ZNF521: variants seen among roughly 807,000 people sequenced by gnomAD.
The protein encoded by ZNF521 is zinc finger protein 521.
Under a neutral mutation model 105.5 loss-of-function variants are expected in ZNF521, and 14 were observed. The observed-to-expected ratio is 0.13, with a 90% CI of 0.09 to 0.21. The LOEUF is 0.21. Ranked by LOEUF, ZNF521 falls within the 10% of genes least tolerant of loss-of-function variation. The pLI, the probability that ZNF521 is intolerant of heterozygous loss-of-function variation, is 1.00. For synonymous variants in ZNF521, 635 were observed against 606.0 expected (o/e 1.05, Z -0.70); for missense variants, 1,233 against 1,629.7 (o/e 0.76, Z 4.19).
chr18:25,108,369 GT>G (rs2034115453), intron 5 of ZNF521, among the ~76,000 whole-genome samples: 1 of 151,964 alleles, frequency 6.6e-6, no homozygotes, highest in Non-Finnish European at 1.5e-5. Context: ...TGTTTTTGGG[GT>G]TACACAAACA....
At position 25,116,724 on chromosome 18, in the gene ZNF521, T is replaced by C. The variant is rs2034310192; in HGVS notation, c.3659-24643A>G. Among the ~76,000 whole-genome samples the C allele has an allele frequency of 1.3e-5, 2 of 151,292 alleles. 1 individual carries two copies. The highest frequency in any genetic ancestry group is 4.2e-4 in the South Asian group (2 of 4,796). ...AACACAAGATGAATTTCCTCCTTTT[T>C]AAAAAAAACATATTTTATACGCATG... On this transcript the variant is annotated intron_variant, in intron 5 of 7. Transcript: ENST00000361524.
At chr18:25,098,267 G>A (rs897769344) in intron 5 of ZNF521, among the ~76,000 whole-genome samples, 39 of 152,098 alleles carry the variant, frequency 2.6e-4, no homozygotes, top group African/African-American at 9.4e-4. Context: ...GCACAAGTAG[G>A]GAATGGGGAT....
intron 5 of ZNF521, among the ~76,000 whole-genome samples, chr18:25,099,385 T>C (rs879446993): frequency 6.3e-4 from 96 of 152,188 alleles, no homozygotes; most frequent in Admixed American, 3.3e-3. Context: ...CTTGGCTTCT[T>C]TATTTCCCAA....
chr18:25,161,168 C>A (rs956513865), intron 5 of ZNF521, among the ~76,000 whole-genome samples: 4 of 152,136 alleles, frequency 2.6e-5, no homozygotes, highest in Non-Finnish European at 5.9e-5. Context: ...GTCACACTCC[C>A]TTTGTCTCCT....
At chr18:25,222,405 G>A (rs1432425034) in intron 4 of ZNF521, among the ~76,000 whole-genome samples, 2 of 152,108 alleles carry the variant, frequency 1.3e-5, no homozygotes, top group Non-Finnish European at 2.9e-5. Flanking sequence ...CCTCTTAGAT[G>A]TTATTATAAT....
At chr18:25,181,042 T>C (rs980602359) in intron 5 of ZNF521, among the ~76,000 whole-genome samples, 10 of 152,124 alleles carry the variant, frequency 6.6e-5, no homozygotes, top group African/African-American at 1.9e-4. Flanking sequence ...GCTGGGCTAT[T>C]TGAATGATTA....
At position 25,252,527 on chromosome 18, in the gene ZNF521, CT is replaced by C. The variant is rs978985093; in HGVS notation, c.221-24831del. Among the ~76,000 whole-genome samples, 813 of 147,310 alleles carry C rather than the reference CT, an allele frequency of 5.5e-3. 6 individuals are homozygous for C. Among genetic ancestry groups the C allele is most frequent in the African/African-American group, 0.015 (601 of 40,398 alleles). ...GAGGACTACATTGCAACTTATTTAC[CT>C]TTTTTTTTTTCTTGAACAAAGCAAT... On this transcript the variant is annotated intron_variant, in intron 3 of 7. Transcript: ENST00000361524.
Position 25,224,813 on chromosome 18 carries a change from G to T in ZNF521, c.3105C>A (p.Leu1035=). The T allele has an allele frequency of 6.2e-7, 1 of 1,614,064 alleles. No individual in the cohort carries two copies. The highest frequency in any genetic ancestry group is 8.5e-7 in the Non-Finnish European group (1 of 1,180,016). Residue 1035 remains leucine, a synonymous_variant, in exon 4 of 8, where the codon CTC becomes CTA. Coordinates refer to ENST00000361524, the MANE Select transcript of ZNF521 (RefSeq NM_015461.3). ...CMQTVTSTLE[L]KIHGTFHMQK... The stretch of plus-strand genomic sequence containing the variant: ...GCATGTGGAACGTCCCATGGATTTT[G>T]AGTTCCAAGGTGGAGGTCACTGTCT...
intron 5 of ZNF521, among the ~76,000 whole-genome samples, chr18:25,098,058 G>A (rs374876259): frequency 1.3e-5 from 2 of 152,108 alleles, no homozygotes; most frequent in African/African-American, 4.8e-5. Flanking sequence ...GGAGAGGCAG[G>A]CAGTGGGATT....
At position 25,284,933 on chromosome 18, in the gene ZNF521, C is replaced by G. The variant is rs191854739; in HGVS notation, c.220+37075G>C. ...GCGCACACACACACACACACACACA[C>G]AGGGAGGCATCAGGCATCTGACTAT... On this transcript the variant is annotated intron_variant, in intron 3 of 7. Coordinates refer to ENST00000361524, the MANE Select transcript of ZNF521 (RefSeq NM_015461.3). 1.0e-3 allele frequency among the ~76,000 whole-genome samples: 158 copies of G among 151,858 alleles called. 4 individuals carry two copies. In the East Asian group the frequency reaches 0.029, roughly 28 times the overall value.
chr18:25,198,573 G>T (rs2035939983), intron 4 of ZNF521, among the ~76,000 whole-genome samples: 1 of 151,140 alleles, frequency 6.6e-6, no homozygotes, highest in Non-Finnish European at 1.5e-5. Flanking sequence ...ATACTGAATA[G>T]ATTAAAAAAA....
At chr18:25,132,120 T>C (rs1364762750) in intron 5 of ZNF521, among the ~76,000 whole-genome samples, 1 of 152,130 alleles carries the variant, frequency 6.6e-6, no homozygotes, top group African/African-American at 2.4e-5. Flanking sequence ...AAAACAGTGA[T>C]GAAAGGGGCA....
Position 25,213,567 on chromosome 18 carries a change from A to G in ZNF521, c.3573+10778T>C, listed in dbSNP as rs142870507. ...CTAATACTTTGTTCAAAATTTTAAA[A>G]TGTAAAATCATGAATAAAAGTGGCC... On this transcript the variant is annotated intron_variant, in intron 4 of 7. Transcript: ENST00000361524. Among the ~76,000 whole-genome samples the G allele has an allele frequency of 3.1e-3, 466 of 152,206 alleles. 2 individuals are homozygous for G. Among genetic ancestry groups the G allele is most frequent in the Middle Eastern group, 0.017 (5 of 294 alleles).
In ZNF521 at chr18:25,074,771, T is replaced by C. The variant is rs149910344; in HGVS notation, c.3907-12030A>G. ...CGTGAAGTTCCCATTCTCCTCTCAC[T>C]TCCTGGGCACCTTTTCTGGCTTTAC... On this transcript the variant is annotated intron_variant, in intron 7 of 7. Transcript: ENST00000361524. Among the ~76,000 whole-genome samples the C allele has an allele frequency of 2.3e-3, 347 of 152,186 alleles. 1 individual carries two copies. The highest frequency in any genetic ancestry group is 6.8e-3 in the Middle Eastern group (2 of 294).
intron 5 of ZNF521, among the ~76,000 whole-genome samples, chr18:25,179,116 C>T (rs1600124217): frequency 3.8e-5 from 2 of 52,438 alleles, no homozygotes; most frequent in African/African-American, 7.4e-5. Context: ...TTCTTTATTC[C>T]TTTTTTTTTT....
chr18:25,141,923 A>C (rs535036359), intron 5 of ZNF521, among the ~76,000 whole-genome samples: 2 of 152,220 alleles, frequency 1.3e-5, no homozygotes, highest in South Asian at 4.1e-4. Context: ...GTTTTTGCTC[A>C]TTTGCGCCTG....
intron 5 of ZNF521, among the ~76,000 whole-genome samples, chr18:25,123,936 T>C (rs1193254613): frequency 6.6e-6 from 1 of 152,168 alleles, no homozygotes; most frequent in Non-Finnish European, 1.5e-5. Flanking sequence ...ACAATTCAAA[T>C]TCACTCGACT....
intron 4 of ZNF521, among the ~76,000 whole-genome samples, chr18:25,213,357 C>A (rs2036226952): frequency 6.6e-6 from 1 of 151,310 alleles, no homozygotes; most frequent in South Asian, 2.1e-4. Context: ...CTTTTTTGAT[C>A]ATGAAAATAT....
At chr18:25,240,589 A>G (rs1334757806) in intron 3 of ZNF521, among the ~76,000 whole-genome samples, 1 of 152,146 alleles carries the variant, frequency 6.6e-6, no homozygotes, top group African/African-American at 2.4e-5. Context: ...TTAAATCATC[A>G]CACAATCTGC....
Sources: gnomAD v4.1 joint callset for allele counts (sites outside exome capture counted in the v4.1 genomes callset) on GRCh38, gnomAD v4.1.1 for gene constraint, MANE v1.5 for transcripts, NCBI Gene and HGNC (gene_info 2026-07-23, HGNC 2026-07-21) for gene names.